The following SLC35D1 variants were observed in gnomAD, a reference collection of about 807,000 sequenced individuals.
SLC35D1 encodes the protein nucleotide sugar transporter SLC35D1.
Under a neutral mutation model 46.7 loss-of-function variants are expected in SLC35D1, and 31 were observed. The observed-to-expected ratio is 0.66, with a 90% CI of 0.50 to 0.90. The LOEUF (loss-of-function observed/expected upper bound fraction) is 0.90, where lower values mean the gene tolerates loss of function less well. Among genes scored for constraint, SLC35D1 ranks in the 40% least tolerant of loss-of-function variants. The probability of loss-of-function intolerance (pLI) is 0.00; values close to 1 mark genes in which losing one functional copy is unlikely to be tolerated. For missense variants in SLC35D1, 397 were observed against 426.2 expected, an observed-to-expected ratio of 0.93 and a Z score of 0.60; for synonymous variants, 195 against 164.6, an observed-to-expected ratio of 1.18 and a Z score of -1.41.
chr1:67,023,937 C>T (rs1227094394), intron 8 of SLC35D1, among the ~76,000 whole-genome samples: 1 of 151,500 alleles, frequency 6.6e-6, no homozygotes, highest in African/African-American at 2.4e-5. Context: ...CTGTGACTCA[C>T]CTTCCATTTT....
At chr1:67,028,141 A>G (rs1247633100) in intron 8 of SLC35D1, among the ~76,000 whole-genome samples, 1 of 152,032 alleles carries the variant, frequency 6.6e-6, no homozygotes, top group Non-Finnish European at 1.5e-5. Flanking sequence ...ATATTTGGGG[A>G]TTTTCCAAAT....
At chr1:67,026,563 G>A (rs1667918110) in intron 8 of SLC35D1, among the ~76,000 whole-genome samples, 1 of 152,068 alleles carries the variant, frequency 6.6e-6, no homozygotes, top group Admixed American at 6.6e-5. Context: ...AAATTCTCCA[G>A]TGAAGCAATC....
the SLC35D1 span, chr1:66,988,629 A>C: frequency 6.6e-6 from 1 of 152,366 alleles, no homozygotes; most frequent in East Asian, 1.9e-4. Context: ...CTCTTGAGTA[A>C]GAAGTAATTT....
intron 1 of SLC35D1, 125 bp downstream of exon 1, chr1:67,053,686 C>T: frequency 1.0e-6 from 1 of 983,198 alleles, no homozygotes; most frequent in Non-Finnish European, 1.3e-6. Flanking sequence ...CGCCCGCCCT[C>T]CCCAGCTCCC....
intron 6 of SLC35D1, among the ~76,000 whole-genome samples, chr1:67,048,666 C>T (rs1645275766): frequency 6.6e-6 from 1 of 152,140 alleles, no homozygotes. Flanking sequence ...GGATGGAAAA[C>T]ATATGTCTGG....
chr1:67,034,717 A>C (rs1668087530), intron 8 of SLC35D1, among the ~76,000 whole-genome samples: 2 of 152,122 alleles, frequency 1.3e-5, no homozygotes, highest in African/African-American at 4.8e-5. Flanking sequence ...CCAGTATTAC[A>C]CTGAGTAACA....
At chr1:67,052,156 T>G (rs1645315837) in intron 3 of SLC35D1, 77 bp from the exon 4 acceptor site, 1 of 1,063,694 alleles carries the variant, frequency 9.4e-7, no homozygotes, top group Admixed American at 1.8e-5. Context: ...CAGAAACAAT[T>G]TTGTTTATAT....
intron 8 of SLC35D1, among the ~76,000 whole-genome samples, chr1:67,022,368 C>T (rs1371337259): frequency 1.3e-5 from 2 of 152,344 alleles, no homozygotes; most frequent in South Asian, 2.1e-4. Context: ...AGGGCTCCAA[C>T]AATACCAGGC....
intron 4 of SLC35D1, 45 bp downstream of exon 4, chr1:67,051,967 G>T: frequency 7.9e-7 from 1 of 1,263,592 alleles, no homozygotes; most frequent in South Asian, 1.2e-5. Context: ...ACAATTTTAA[G>T]AATACATTAT....
At chr1:66,982,068 T>C in the SLC35D1 span, 2 of 700,260 alleles carry the variant, frequency 2.9e-6, no homozygotes, top group Non-Finnish European at 2.4e-6. Context: ...TCAGCATACA[T>C]ATATACTAAC....
At chr1:67,043,093 G>T (rs929051977) in intron 7 of SLC35D1, among the ~76,000 whole-genome samples, 1 of 152,092 alleles carries the variant, frequency 6.6e-6, no homozygotes, top group African/African-American at 2.4e-5. Flanking sequence ...TACTTGGGAG[G>T]CTGAGGCGGG....
At chr1:66,980,488 G>C in the SLC35D1 span, among the ~76,000 whole-genome samples, 1 of 152,204 alleles carries the variant, frequency 6.6e-6, no homozygotes, top group Admixed American at 6.5e-5. Context: ...TATAACCTAG[G>C]AGACAGTGAT....
At chr1:66,981,691 T>A in the SLC35D1 span, 2 of 991,194 alleles carry the variant, frequency 2.0e-6, no homozygotes, top group Non-Finnish European at 3.0e-6. Context: ...TTAGGATATA[T>A]TTGTTAAGAA....
the SLC35D1 span, among the ~76,000 whole-genome samples, chr1:66,983,635 T>C: frequency 9.2e-5 from 14 of 152,080 alleles, no homozygotes; most frequent in Admixed American, 8.5e-4. Flanking sequence ...GTAAATAATT[T>C]AGCACTTTCA....
the SLC35D1 span, among the ~76,000 whole-genome samples, chr1:66,989,125 C>T: frequency 6.6e-6 from 1 of 152,184 alleles, no homozygotes; most frequent in Non-Finnish European, 1.5e-5. Flanking sequence ...AGAGCTGGTT[C>T]TACCATAACA....
the SLC35D1 span, among the ~76,000 whole-genome samples, chr1:66,980,097 A>G: frequency 5.3e-5 from 8 of 152,178 alleles, no homozygotes; most frequent in African/African-American, 1.4e-4. Flanking sequence ...CATATTATCC[A>G]TTCCCACTAT....
chr1:67,051,264 T>C (rs1382093155), intron 4 of SLC35D1, among the ~76,000 whole-genome samples: 1 of 152,240 alleles, frequency 6.6e-6, no homozygotes, highest in African/African-American at 2.4e-5. Context: ...AAACACCTTG[T>C]CCTTGATGCT....
chr1:67,038,002 G>A (rs1225876324), intron 8 of SLC35D1, among the ~76,000 whole-genome samples: 3 of 152,104 alleles, frequency 2.0e-5, no homozygotes, highest in Admixed American at 2.0e-4. Flanking sequence ...TAGGTCACTT[G>A]CTCTTATTTA....
chr1:66,977,897 A>G, the SLC35D1 span, among the ~76,000 whole-genome samples: 1 of 152,048 alleles, frequency 6.6e-6, no homozygotes, highest in East Asian at 1.9e-4. Flanking sequence ...CCAAATAATT[A>G]CCTTCGAAAG....
Sources: gnomAD v4.1 joint callset for allele counts (sites outside exome capture counted in the v4.1 genomes callset) on GRCh38, gnomAD v4.1.1 for gene constraint, MANE v1.5 for transcripts, NCBI Gene and HGNC (gene_info 2026-07-23, HGNC 2026-07-21) for gene names.